Variants in CDH20 observed in about 807,000 individuals in gnomAD.
CDH20 encodes the protein cadherin-20.
In CDH20, 29 loss-of-function variants were observed where a neutral mutation model predicts 74.2. That is an observed-to-expected ratio of 0.39 (90% CI 0.29 to 0.53). The LOEUF is 0.53. CDH20 is among the 20% of genes least tolerant of loss of function. The pLI, the probability that CDH20 is intolerant of heterozygous loss-of-function variation, is 0.69. For missense variants in CDH20, 988 were observed against 1,048.3 expected (o/e 0.94, Z 0.79); for synonymous variants, 469 against 405.4 (o/e 1.16, Z -1.88).
chr18:61,508,581 T>G (rs574926930), intron 6 of CDH20, among the ~76,000 whole-genome samples: 1 of 152,260 alleles, frequency 6.6e-6, no homozygotes, highest in Non-Finnish European at 1.5e-5. Context: ...TAAAAAGGAA[T>G]GGACTAACAG....
In CDH20 at chr18:61,490,437, T is replaced by C; in HGVS notation, c.-117T>C. 1 of 980,934 alleles carries C rather than the reference T, an allele frequency of 1.0e-6. No individual in the cohort carries two copies. Among genetic ancestry groups the C allele is most frequent in the African/African-American group, 1.6e-5 (1 of 61,806 alleles). 60.8% of individuals were successfully genotyped at this position (980,934 alleles called of 1,614,324 possible). A position where few individuals can be genotyped will look rare whatever the true frequency, so the allele number is the denominator to read the frequency against. On this transcript the variant is annotated 5_prime_UTR_variant, in exon 2 of 12. Transcript: ENST00000262717. ...TCAAGCAGATTGACTTGAAACGGGA[T>C]CTCATTTAGGAAGCATAAGTGTCCA...
chr18:61,372,260 T>G (rs1350620209), intron 1 of CDH20, among the ~76,000 whole-genome samples: 1 of 152,128 alleles, frequency 6.6e-6, no homozygotes, highest in Non-Finnish European at 1.5e-5. Flanking sequence ...CTAAATTCAT[T>G]TCATTTTGTC....
intron 1 of CDH20, among the ~76,000 whole-genome samples, chr18:61,387,685 T>C (rs752500525): frequency 8.5e-5 from 13 of 152,208 alleles, no homozygotes; most frequent in Non-Finnish European, 1.8e-4. Context: ...TGTGTATACA[T>C]AGACATCATT....
chr18:61,519,778 C>T (rs1435768894), intron 6 of CDH20, among the ~76,000 whole-genome samples: 1 of 150,868 alleles, frequency 6.6e-6, no homozygotes, highest in African/African-American at 2.5e-5. Flanking sequence ...ACAATATAAA[C>T]CTTAAATGTA....
chr18:61,471,470 C>G (rs1347174483), intron 1 of CDH20, among the ~76,000 whole-genome samples: 1 of 152,118 alleles, frequency 6.6e-6, no homozygotes, highest in African/African-American at 2.4e-5. Context: ...ATTTTAAAAT[C>G]TGTTATCAAT....
At chr18:61,411,094 G>T (rs180997182) in intron 1 of CDH20, among the ~76,000 whole-genome samples, 1 of 152,212 alleles carries the variant, frequency 6.6e-6, no homozygotes, top group East Asian at 1.9e-4. Flanking sequence ...CAGCTACTCG[G>T]GGGGCTGAGG....
At chr18:61,397,683 T>C (rs1912029879) in intron 1 of CDH20, among the ~76,000 whole-genome samples, 1 of 152,200 alleles carries the variant, frequency 6.6e-6, no homozygotes, top group Admixed American at 6.5e-5. Flanking sequence ...TTAAGAACAC[T>C]AACTTTGAAG....
At chr18:61,361,852 T>C (rs1456578718) in intron 1 of CDH20, among the ~76,000 whole-genome samples, 1 of 152,202 alleles carries the variant, frequency 6.6e-6, no homozygotes, top group Non-Finnish European at 1.5e-5. Flanking sequence ...TAAGAACCAA[T>C]GATACAAGAT....
Position 61,554,608 on chromosome 18 carries a change from C to A in CDH20, c.2319C>A (p.Ser773Arg), listed in dbSNP as rs1353917183. 2 of 1,608,194 alleles carry A rather than the reference C, an allele frequency of 1.2e-6. No homozygotes were observed. Among genetic ancestry groups the A allele is most frequent in the Non-Finnish European group, 1.7e-6 (2 of 1,178,184 alleles). The change falls in exon 12 of 12, where the codon AGC (serine) becomes AGA (arginine). Residue 773 changes from serine (S) to arginine (R), a missense_variant. Physicochemically the swap from Ser to Arg is moderately radical, Grantham distance 110. Around this residue, in one of 2 missense-constraint regions of CDH20, gnomAD observed 375 missense variants for 293.1 expected, o/e 1.28. Transcript: ENST00000262717. ...LQSATSDSEQSFDFLTDWGPR... is the reference protein window; with the variant it reads ...LQSATSDSEQRFDFLTDWGPR... ...CGGCCACGTCGGACTCGGAACAGAG[C>A]TTCGACTTCCTGACGGACTGGGGGC...
At chr18:61,553,654 GGT>G (rs1365880951) in intron 11 of CDH20, among the ~76,000 whole-genome samples, 1 of 152,100 alleles carries the variant, frequency 6.6e-6, no homozygotes, top group African/African-American at 2.4e-5. Flanking sequence ...CTACAACTTT[GGT>G]GCACACTTAG....
At chr18:61,420,785 T>G (rs1912848911) in intron 1 of CDH20, among the ~76,000 whole-genome samples, 1 of 152,188 alleles carries the variant, frequency 6.6e-6, no homozygotes, top group Admixed American at 6.5e-5. Context: ...CTGGGCGCGG[T>G]GGCTCACTCC....
chr18:61,356,392 C>A (rs1207560113), intron 1 of CDH20, among the ~76,000 whole-genome samples: 1 of 152,088 alleles, frequency 6.6e-6, no homozygotes, highest in Non-Finnish European at 1.5e-5. Flanking sequence ...TTAAATCAGG[C>A]ATTTGTAATT....
At chr18:61,542,965 C>A (rs1465945394) in intron 9 of CDH20, among the ~76,000 whole-genome samples, 2 of 152,218 alleles carry the variant, frequency 1.3e-5, no homozygotes, top group Non-Finnish European at 2.9e-5. Flanking sequence ...CAACACCTCC[C>A]ACCAGGCCCC....
intron 1 of CDH20, among the ~76,000 whole-genome samples, chr18:61,416,054 A>T (rs1050401320): frequency 3.3e-5 from 5 of 151,920 alleles, no homozygotes; most frequent in Admixed American, 1.3e-4. Context: ...AAAAAAAAAA[A>T]ATATTAAGAT....
chr18:61,527,699 G>A (rs1179608015), intron 6 of CDH20, among the ~76,000 whole-genome samples: 6 of 152,062 alleles, frequency 3.9e-5, no homozygotes, highest in East Asian at 1.9e-4. Context: ...CAGAATAAAC[G>A]GGCAAACTAT....
At chr18:61,503,493 C>T (rs190237356) in intron 5 of CDH20, among the ~76,000 whole-genome samples, 18 of 152,260 alleles carry the variant, frequency 1.2e-4, no homozygotes, top group African/African-American at 4.3e-4. Flanking sequence ...TTCATCACAG[C>T]CCTGGAAACC....
intron 1 of CDH20, among the ~76,000 whole-genome samples, chr18:61,477,341 T>C (rs1910425665): frequency 6.6e-6 from 1 of 152,200 alleles, no homozygotes; most frequent in African/African-American, 2.4e-5. Context: ...ATGGATACTG[T>C]CACACTACCA....
intron 1 of CDH20, among the ~76,000 whole-genome samples, chr18:61,452,397 G>A (rs911925373): frequency 6.6e-6 from 1 of 152,144 alleles, no homozygotes; most frequent in Non-Finnish European, 1.5e-5. Flanking sequence ...TGGCTGGATC[G>A]TTCTACGTTT....
At chr18:61,340,671 A>G (rs1909918860) in intron 1 of CDH20, among the ~76,000 whole-genome samples, 1 of 152,342 alleles carries the variant, frequency 6.6e-6, no homozygotes. Context: ...TACACCCTTT[A>G]TCATATTCAC....
Sources: gnomAD v4.1 joint callset for allele counts (sites outside exome capture counted in the v4.1 genomes callset) on GRCh38, gnomAD v4.1.1 for gene constraint, gnomAD v4.1.1 regional missense constraint, MANE v1.5 for transcripts, NCBI Gene and HGNC (gene_info 2026-07-23, HGNC 2026-07-21) for gene names.